MAGI2: variants seen among roughly 807,000 people sequenced by gnomAD.
The protein encoded by MAGI2 is membrane associated guanylate kinase, WW and PDZ domain containing 2.
A neutral mutation model predicts 133.3 loss-of-function variants in MAGI2; 35 were observed. The observed-to-expected ratio is 0.26, with a 90% confidence interval of 0.20 to 0.35. The LOEUF (loss-of-function observed/expected upper bound fraction) is 0.35, where lower values mean the gene tolerates loss of function less well. Among genes scored for constraint, MAGI2 ranks in the 10% least tolerant of loss-of-function variants. MAGI2 has a pLI of 1.00. For missense variants in MAGI2, 1,636 were observed against 1,863.4 expected (o/e 0.88, Z 2.25); for synonymous variants, 729 against 710.6 (o/e 1.03, Z -0.41).
chr7:78,300,142 C>A (rs35285187), intron 9 of MAGI2, among the ~76,000 whole-genome samples: 181 of 152,252 alleles, frequency 1.2e-3, no homozygotes, highest in South Asian at 8.1e-3. Flanking sequence ...TATTATAGTT[C>A]TTGCAGATAT....
At chr7:79,187,452 A>C (rs1348204191) in intron 1 of MAGI2, among the ~76,000 whole-genome samples, 2 of 151,768 alleles carry the variant, frequency 1.3e-5, no homozygotes, top group African/African-American at 4.8e-5. Flanking sequence ...CCTTACCCTC[A>C]GTCCATCTAC....
rs949732620 is a variant in MAGI2 at position 78,537,208 on chromosome 7, G to C, written c.539-15563C>G. On this transcript the variant is annotated intron_variant, in intron 3 of 21. Transcript: ENST00000354212. ...ACACACACACACACACACACACACA[G>C]ACACATTTTCTTTATCCACTCATCA... 3.5e-3 allele frequency among the ~76,000 whole-genome samples: 396 copies of C among 114,074 alleles called. 1 individual carries two copies. The highest frequency in any genetic ancestry group is 0.012 in the African/African-American group (362 of 30,666). 74.8% of individuals were successfully genotyped at this position (114,074 alleles called of 152,430 possible).
intron 6 of MAGI2, among the ~76,000 whole-genome samples, chr7:78,458,390 T>C (rs918692652): frequency 9.2e-5 from 14 of 151,902 alleles, no homozygotes; most frequent in African/African-American, 3.4e-4. Flanking sequence ...CACCACAGGC[T>C]TGAAGGGCAG....
intron 1 of MAGI2, among the ~76,000 whole-genome samples, chr7:79,028,269 G>GTATGTATATATATATATATATATATATA: frequency 4.7e-5 from 1 of 21,356 alleles, no homozygotes; most frequent in South Asian, 2.0e-3. Flanking sequence ...ATATATATAT[G>GTATGTATATATATATATATATATATATA]TATGTATGTA....
chr7:79,180,262 ATGT>A (rs566566408), intron 1 of MAGI2, among the ~76,000 whole-genome samples: 2 of 151,964 alleles, frequency 1.3e-5, no homozygotes, highest in Non-Finnish European at 2.9e-5. Flanking sequence ...AAAATAACAG[ATGT>A]TGTTGAGAGT....
chr7:78,772,667 T>G (rs953797688), intron 2 of MAGI2, among the ~76,000 whole-genome samples: 11 of 152,236 alleles, frequency 7.2e-5, no homozygotes, highest in African/African-American at 2.7e-4. Context: ...TTGCTGGCTT[T>G]GTATTTGCAA....
chr7:78,801,956 A>T (rs992466764), intron 2 of MAGI2, among the ~76,000 whole-genome samples: 2 of 152,184 alleles, frequency 1.3e-5, no homozygotes, highest in Non-Finnish European at 2.9e-5. Flanking sequence ...CACTGAGGTG[A>T]GCAGAGAATA....
chr7:78,299,812 C>T (rs1030439743), intron 9 of MAGI2, among the ~76,000 whole-genome samples: 1 of 152,068 alleles, frequency 6.6e-6, no homozygotes, highest in Non-Finnish European at 1.5e-5. Flanking sequence ...TCGTCTTATT[C>T]TTTTTGTTTT....
chr7:78,549,746 A>G (rs1055834957), intron 3 of MAGI2, among the ~76,000 whole-genome samples: 2 of 152,232 alleles, frequency 1.3e-5, no homozygotes, highest in African/African-American at 4.8e-5. Flanking sequence ...TATGACCTAT[A>G]AAACACAAGT....
rs118071955 is a variant in MAGI2 at position 79,395,547 on chromosome 7, G to A, written c.301+57473C>T. Among the ~76,000 whole-genome samples, 1,079 of 152,212 alleles carry A rather than the reference G, an allele frequency of 7.1e-3. 5 individuals are homozygous for A. The highest frequency in any genetic ancestry group is 0.01 in the Non-Finnish European group (694 of 67,992). ...AGAGAGCCCCAGAGAGGTCTGTGGT[G>A]GGACTGTATAGTGACTCATATTATT... On this transcript the variant is annotated intron_variant, in intron 1 of 21. Transcript: ENST00000354212.
chr7:78,866,326 C>T (rs563535957), intron 2 of MAGI2, among the ~76,000 whole-genome samples: 1 of 151,850 alleles, frequency 6.6e-6, no homozygotes, highest in Non-Finnish European at 1.5e-5. Context: ...AACTTCTCAT[C>T]TAAACAGAGA....
intron 1 of MAGI2, among the ~76,000 whole-genome samples, chr7:79,056,238 A>T (rs1460005412): frequency 1.3e-5 from 2 of 152,024 alleles, no homozygotes; most frequent in Non-Finnish European, 2.9e-5. Context: ...CAAAAAAAAA[A>T]TTAGCTGTGC....
chr7:79,100,265 C>T (rs1817860907), intron 1 of MAGI2, among the ~76,000 whole-genome samples: 1 of 152,006 alleles, frequency 6.6e-6, no homozygotes, highest in African/African-American at 2.4e-5. Flanking sequence ...ATTAGCATAA[C>T]CAAACTGCCT....
intron 1 of MAGI2, among the ~76,000 whole-genome samples, chr7:79,028,269 G>A (rs371582217): frequency 0.34 from 6,912 of 20,190 alleles, 347 homozygotes; most frequent in East Asian, 0.42. Context: ...ATATATATAT[G>A]TATGTATGTA....
At chr7:78,286,952 G>A (rs182509960) in intron 9 of MAGI2, among the ~76,000 whole-genome samples, 15 of 152,282 alleles carry the variant, frequency 9.9e-5, no homozygotes, top group South Asian at 2.1e-4. Flanking sequence ...GAATGTAGCC[G>A]GATGGAATAC....
At chr7:78,686,420 T>C (rs988329120) in intron 2 of MAGI2, among the ~76,000 whole-genome samples, 2 of 152,176 alleles carry the variant, frequency 1.3e-5, no homozygotes, top group African/African-American at 4.8e-5. Flanking sequence ...TCTTCATTAA[T>C]ATTAGCAGGG....
At chr7:78,119,387 C>T (rs1000806994) in intron 20 of MAGI2, among the ~76,000 whole-genome samples, 7 of 151,706 alleles carry the variant, frequency 4.6e-5, no homozygotes, top group Non-Finnish European at 7.4e-5. Context: ...GGTGAAACCC[C>T]GTCTCTACTA....
intron 2 of MAGI2, among the ~76,000 whole-genome samples, chr7:78,819,817 A>G (rs1301168016): frequency 6.6e-6 from 1 of 152,066 alleles, no homozygotes; most frequent in Non-Finnish European, 1.5e-5. Flanking sequence ...TACTGAAGAT[A>G]TTATACAAAA....
chr7:79,136,028 G>GAAAGAAAGAAAGAAAGAAAGAAA (rs1821448277), intron 1 of MAGI2, among the ~76,000 whole-genome samples: 1 of 51,612 alleles, frequency 1.9e-5, no homozygotes, highest in Admixed American at 2.0e-4. Context: ...AAAGAAAGAA[G>GAAAGAAAGAAAGAAAGAAAGAAA]GAAAGAAAGA....
Sources: gnomAD v4.1 joint callset for allele counts (sites outside exome capture counted in the v4.1 genomes callset) on GRCh38, gnomAD v4.1.1 for gene constraint, MANE v1.5 for transcripts, NCBI Gene and HGNC (gene_info 2026-07-23, HGNC 2026-07-21) for gene names.